Variants in CTR9 observed in about 807,000 individuals in gnomAD.
CTR9 encodes RNA polymerase-associated protein CTR9 homolog.
In CTR9, 41 loss-of-function variants were observed where a neutral mutation model predicts 152.1. The ratio of observed to expected loss-of-function variants is 0.27; its 90% CI spans 0.21 to 0.35. The LOEUF (loss-of-function observed/expected upper bound fraction) is 0.35, where lower values mean the gene tolerates loss of function less well. CTR9 is among the 10% of genes least tolerant of loss of function. The pLI is 1.00. For missense variants in CTR9, 917 were observed against 1,424.4 expected, an observed-to-expected ratio of 0.64 and a Z score of 5.73; for synonymous variants, 476 against 496.2, an observed-to-expected ratio of 0.96 and a Z score of 0.54.
chr11:10,754,137 A>G (rs1470883794), intron 2 of CTR9, among the ~76,000 whole-genome samples: 1 of 152,184 alleles, frequency 6.6e-6, no homozygotes, highest in African/African-American at 2.4e-5. Flanking sequence ...CATCCCAAGT[A>G]GTAGATTACA....
intron 6 of CTR9, among the ~76,000 whole-genome samples, chr11:10,760,813 T>G (rs1375398212): frequency 2.0e-5 from 3 of 152,194 alleles, no homozygotes; most frequent in African/African-American, 7.2e-5. Flanking sequence ...ACCTATGATT[T>G]TATATAATTC....
At chr11:10,777,888 C>T (rs9300106) in intron 24 of CTR9, among the ~76,000 whole-genome samples, 108,434 of 152,096 alleles carry the variant, frequency 0.71, 39,060 homozygotes, top group East Asian at 0.82. Flanking sequence ...AACTAAGGAA[C>T]GTGCCAGAGA....
In CTR9 at chr11:10,755,815, A is replaced by G; in HGVS notation, c.502+20A>G. 2 of 1,460,304 alleles carry G rather than the reference A, an allele frequency of 1.4e-6. No homozygotes were observed. The highest frequency in any genetic ancestry group is 1.4e-5 in the African/African-American group (1 of 71,506). 90.5% of individuals were successfully genotyped at this position (1,460,304 alleles called of 1,614,324 possible). A position where few individuals can be genotyped will look rare whatever the true frequency, so the allele number is the denominator to read the frequency against. ...TTCTTGGTAAGTGGTCTTTGGCAAC[A>G]TGTTAGGAAACAGTTGTTTTCAGCA... On this transcript the variant is annotated intron_variant, in intron 4 of 24. Transcript: ENST00000361367.
chr11:10,757,952 C>A (rs1367552235), intron 5 of CTR9, among the ~76,000 whole-genome samples: 1 of 152,086 alleles, frequency 6.6e-6, no homozygotes, highest in African/African-American at 2.4e-5. Flanking sequence ...AGCAGCCATG[C>A]AGATATATAG....
intron 18 of CTR9, among the ~76,000 whole-genome samples, chr11:10,771,255 C>T (rs1863138948): frequency 6.6e-6 from 1 of 152,160 alleles, no homozygotes; most frequent in Non-Finnish European, 1.5e-5. Context: ...GCTTTCATGG[C>T]CTGAGCCCCG....
chr11:10,758,121 C>G (rs1254965162), intron 5 of CTR9, among the ~76,000 whole-genome samples: 1 of 152,154 alleles, frequency 6.6e-6, no homozygotes, highest in African/African-American at 2.4e-5. Flanking sequence ...AAAGCTATAA[C>G]CAGGGACTGA....
In CTR9 at chr11:10,752,770, G is replaced by C; in HGVS notation, c.144G>C (p.Ala48=). 1.2e-6 allele frequency: 2 copies of C among 1,610,360 alleles called. No homozygotes were observed. The highest frequency in any genetic ancestry group is 8.5e-7 in the Non-Finnish European group (1 of 1,177,116). Residue 48 remains alanine, a splice_region_variant and synonymous_variant, in exon 2 of 25, where the codon GCG becomes GCC. Coordinates refer to ENST00000361367, the MANE Select transcript of CTR9 (RefSeq NM_014633.5). ...HTQLHIWIAL[A]LEYYKQGKTE... is the part of the protein sequence containing the mutation. ...AACTGCACATATGGATTGCTTTGGC[G>C]GTCAGTATTCATGTAGCAAATATTT...
intron 7 of CTR9, among the ~76,000 whole-genome samples, chr11:10,762,310 G>C (rs765975234): frequency 5.4e-4 from 82 of 152,160 alleles, no homozygotes; most frequent in Non-Finnish European, 1.1e-3. Context: ...CATGGTGTCT[G>C]TACTCAAGGA....
chr11:10,775,498 CT>C (rs1484171466), intron 23 of CTR9, 22 bp from the exon 24 acceptor site: 1 of 1,583,464 alleles, frequency 6.3e-7, no homozygotes, highest in Non-Finnish European at 8.7e-7. Context: ...CTTGACTAAT[CT>C]ATTATGTTTG....
At chr11:10,770,893 C>T (rs1016121822) in intron 18 of CTR9, among the ~76,000 whole-genome samples, 1 of 152,214 alleles carries the variant, frequency 6.6e-6, no homozygotes, top group African/African-American at 2.4e-5. Flanking sequence ...ACCTCTAGAA[C>T]TGGCTGGCTA....
chr11:10,759,226 G>A (rs535053327), intron 5 of CTR9, among the ~76,000 whole-genome samples: 38 of 152,306 alleles, frequency 2.5e-4, no homozygotes, highest in South Asian at 8.3e-4. Context: ...AGGAGACTGA[G>A]AAGATAATAG....
At chr11:10,775,392 C>A in intron 23 of CTR9, 89 bp downstream of exon 23, 1 of 1,417,996 alleles carries the variant, frequency 7.1e-7, no homozygotes, top group Non-Finnish European at 9.8e-7. Flanking sequence ...GCAGCTTTCT[C>A]AAGCACAAAT....
chr11:10,764,665 T>C lies in CTR9; in HGVS notation c.1531T>C (p.Cys511Arg), dbSNP rs1340351900. The C allele has an allele frequency of 4.3e-6, 7 of 1,613,036 alleles. No individual in the cohort carries two copies. The highest frequency in any genetic ancestry group is 1.7e-5 in the Admixed American group (1 of 60,014). The change falls in exon 12 of 25, where the codon TGT becomes CGT. Residue 511 changes from cysteine to arginine, a missense_variant. Cys to Arg is a radical substitution (Grantham distance 180, BLOSUM62 -3). Coordinates refer to ENST00000361367, the MANE Select transcript of CTR9 (RefSeq NM_014633.5). ...TCTCGCCAGGCTATATGAGGCGATG[T>C]GTGAATTCCATGAAGCAGAAAAACT... ...YNLARLYEAM[C>R]EFHEAEKLYK...
intron 18 of CTR9, among the ~76,000 whole-genome samples, chr11:10,771,151 G>T (rs934815691): frequency 6.6e-6 from 1 of 152,166 alleles, no homozygotes; most frequent in East Asian, 1.9e-4. Flanking sequence ...TCAGTGTGTG[G>T]TGAAATTAAA....
chr11:10,760,025 G>T, intron 5 of CTR9, 148 bp from the exon 6 acceptor site: 1 of 789,708 alleles, frequency 1.3e-6, no homozygotes, highest in South Asian at 1.8e-5. Flanking sequence ...AACCAAGTTT[G>T]TGATAGGTCA....
intron 2 of CTR9, among the ~76,000 whole-genome samples, chr11:10,754,073 A>G (rs1048557442): frequency 1.3e-5 from 2 of 152,256 alleles, no homozygotes; most frequent in South Asian, 2.1e-4. Context: ...GAGTCTCTCT[A>G]TTTTGCCCAG....
At chr11:10,773,878 T>G in intron 21 of CTR9, 134 bp from the exon 22 acceptor site, 1 of 573,190 alleles carries the variant, frequency 1.7e-6, no homozygotes, top group Non-Finnish European at 2.8e-6. Flanking sequence ...GAGTGAGACT[T>G]CATCTCAAAA....
chr11:10,777,824 C>T (rs888039422), intron 24 of CTR9, among the ~76,000 whole-genome samples: 15 of 152,148 alleles, frequency 9.9e-5, no homozygotes, highest in Non-Finnish European at 2.2e-4. Context: ...GTTCCTAGAC[C>T]GAACTCTGTG....
chr11:10,774,818 GA>G (rs1409276549), intron 22 of CTR9, among the ~76,000 whole-genome samples: 1 of 152,168 alleles, frequency 6.6e-6, no homozygotes, highest in Non-Finnish European at 1.5e-5. Context: ...CAGACTTGTG[GA>G]ATTGAAGCTG....
Sources: gnomAD v4.1 joint callset for allele counts (sites outside exome capture counted in the v4.1 genomes callset) on GRCh38, gnomAD v4.1.1 for gene constraint, MANE v1.5 for transcripts, NCBI Gene and HGNC (gene_info 2026-07-23, HGNC 2026-07-21) for gene names.